CHRM2: variants seen among roughly 807,000 people sequenced by gnomAD.
CHRM2 encodes the protein cholinergic receptor muscarinic 2, also known as muscarinic acetylcholine receptor M2.
In CHRM2, 8 loss-of-function variants were observed where a neutral mutation model predicts 25.0. The ratio of observed to expected loss-of-function variants is 0.32; its 90% CI spans 0.19 to 0.58. CHRM2 has a LOEUF of 0.58. CHRM2 is among the 20% of genes least tolerant of loss of function. The pLI, the probability that CHRM2 is intolerant of heterozygous loss-of-function variation, is 0.88. For synonymous variants in CHRM2, 202 were observed against 205.7 expected, an observed-to-expected ratio of 0.98 and a Z score of 0.15; for missense variants, 440 against 567.1, an observed-to-expected ratio of 0.78 and a Z score of 2.28.
At chr7:136,888,604 T>C (rs1249227464) in intron 2 of CHRM2, among the ~76,000 whole-genome samples, 1 of 152,194 alleles carries the variant, frequency 6.6e-6, no homozygotes, top group Non-Finnish European at 1.5e-5. Flanking sequence ...CAGCTCAGGC[T>C]GTGTGTTGAT....
At chr7:136,940,985 G>T (rs1370096222) in intron 2 of CHRM2, among the ~76,000 whole-genome samples, 1 of 152,070 alleles carries the variant, frequency 6.6e-6, no homozygotes, top group Non-Finnish European at 1.5e-5. Context: ...GTACAACAGG[G>T]GCCTGACCTT....
rs1176211805 is a variant in CHRM2, at chr7:137,019,468, G to C, written c.*3202G>C. Reference sequence around the variant, plus strand: ...CAGTTGATATGATCAGTTTCTACTGGAGCTGCAATTTTTCCTTTCAAAAAA... The same window carrying C: ...CAGTTGATATGATCAGTTTCTACTGCAGCTGCAATTTTTCCTTTCAAAAAA... On this transcript the variant is annotated 3_prime_UTR_variant, in exon 4 of 4. Transcript: ENST00000680005. The C allele has an allele frequency of 6.6e-6, 1 of 151,820 alleles. No homozygotes were observed. Among genetic ancestry groups the C allele is most frequent in the Non-Finnish European group, 1.5e-5 (1 of 67,888 alleles). 9.4% of individuals were successfully genotyped at this position (151,820 alleles called of 1,614,324 possible). A position where few individuals can be genotyped will look rare whatever the true frequency, so the allele number is the denominator to read the frequency against.
chr7:136,906,138 G>GTGTATATA (rs1164165300), intron 2 of CHRM2, among the ~76,000 whole-genome samples: 1 of 149,166 alleles, frequency 6.7e-6, no homozygotes, highest in Admixed American at 6.7e-5. Context: ...CACGTTTTGT[G>GTGTATATA]TGTATATATG....
intron 2 of CHRM2, among the ~76,000 whole-genome samples, chr7:136,921,271 G>A (rs1798414315): frequency 6.6e-6 from 1 of 151,972 alleles, no homozygotes; most frequent in African/African-American, 2.4e-5. Context: ...CCATCATCCT[G>A]GGTGCCTGAA....
intron 2 of CHRM2, among the ~76,000 whole-genome samples, chr7:136,908,769 C>A (rs931173838): frequency 4.6e-5 from 7 of 151,600 alleles, no homozygotes; most frequent in Non-Finnish European, 8.8e-5. Flanking sequence ...GAGTATCCTG[C>A]AAAAGCAAAA....
At chr7:136,941,977 A>G (rs1250548724) in intron 2 of CHRM2, among the ~76,000 whole-genome samples, 1 of 152,154 alleles carries the variant, frequency 6.6e-6, no homozygotes, top group Non-Finnish European at 1.5e-5. Flanking sequence ...AGGCCTCAAC[A>G]GGAACTTTCT....
intron 2 of CHRM2, among the ~76,000 whole-genome samples, chr7:136,896,237 G>C (rs1296585757): frequency 6.6e-6 from 1 of 152,098 alleles, no homozygotes; most frequent in South Asian, 2.1e-4. Flanking sequence ...AAATCTTTGA[G>C]ATGAAGTTCA....
chr7:137,015,937 C>A lies in CHRM2; in HGVS notation c.1072C>A (p.Gln358Lys). ...GSSGQNGDEK[Q>K]NIVARKIVKM... The stretch of plus-strand genomic sequence containing the variant: ...TTCAGGTCAGAATGGAGATGAAAAG[C>A]AGAATATTGTAGCCCGCAAGATTGT... The change falls in exon 4 of 4, where the codon CAG (glutamine) becomes AAG (lysine). Residue 358 changes from glutamine (Q) to lysine (K), a missense_variant. Gln to Lys is a moderately conservative substitution (Grantham distance 53). Around this residue, in one of 5 missense-constraint regions of CHRM2, gnomAD observed 261 missense variants for 261.8 expected, o/e 1.00. Coordinates refer to ENST00000680005, the MANE Select transcript of CHRM2 (RefSeq NM_001006630.2). This position sits in a 1 kb window ranked among gnomAD's most constrained non-coding sequence, Gnocchi z 5.1. The A allele has an allele frequency of 6.2e-7, 1 of 1,613,074 alleles. No individual in the cohort carries two copies.
intron 2 of CHRM2, among the ~76,000 whole-genome samples, chr7:136,964,324 C>CATGCAG (rs1563094392): frequency 1.3e-5 from 2 of 152,076 alleles, no homozygotes; most frequent in African/African-American, 4.8e-5. Flanking sequence ...AGCTTGTTCT[C>CATGCAG]ATGCAGATAA....
intron 3 of CHRM2, among the ~76,000 whole-genome samples, chr7:137,007,468 G>C (rs1804521852): frequency 6.6e-6 from 1 of 152,132 alleles, no homozygotes; most frequent in Middle Eastern, 3.4e-3. Context: ...ACTCCTTGCG[G>C]CCACCACCCC....
At chr7:136,901,638 T>C (rs1563054684) in intron 2 of CHRM2, among the ~76,000 whole-genome samples, 2 of 152,104 alleles carry the variant, frequency 1.3e-5, no homozygotes, top group East Asian at 3.9e-4. Flanking sequence ...CCATTGTTAT[T>C]TTTTGAGAAC....
intron 2 of CHRM2, among the ~76,000 whole-genome samples, chr7:136,979,338 G>A (rs1332924972): frequency 6.6e-6 from 1 of 152,178 alleles, no homozygotes; most frequent in African/African-American, 2.4e-5. Flanking sequence ...AGAGATTCTG[G>A]ATATTAGTGC....
chr7:136,964,769 T>C (rs1164333918), intron 2 of CHRM2, among the ~76,000 whole-genome samples: 1 of 152,172 alleles, frequency 6.6e-6, no homozygotes, highest in Non-Finnish European at 1.5e-5. Context: ...ATCTGTTCAG[T>C]TTTCTTACCT....
At chr7:136,931,042 C>T (rs1335115566) in intron 2 of CHRM2, among the ~76,000 whole-genome samples, 1 of 151,600 alleles carries the variant, frequency 6.6e-6, no homozygotes, top group African/African-American at 2.4e-5. Flanking sequence ...TTTTCTGGTA[C>T]GATTATCTCC....
chr7:136,877,398 C>G (rs983344182), intron 2 of CHRM2, among the ~76,000 whole-genome samples: 2 of 152,010 alleles, frequency 1.3e-5, no homozygotes, highest in African/African-American at 4.8e-5. Context: ...GAAATAAGTA[C>G]TTGATTTCTT....
intron 3 of CHRM2, among the ~76,000 whole-genome samples, chr7:137,005,512 G>T (rs939501117): frequency 6.6e-6 from 1 of 151,808 alleles, no homozygotes; most frequent in Non-Finnish European, 1.5e-5. Flanking sequence ...AACCATCCTG[G>T]TCTATTCTTC....
At chr7:136,907,300 T>A (rs2130661844) in intron 2 of CHRM2, among the ~76,000 whole-genome samples, 1 of 152,042 alleles carries the variant, frequency 6.6e-6, no homozygotes, top group South Asian at 2.1e-4. Context: ...CTTTCTGTAC[T>A]TCAAGACTGT....
intron 2 of CHRM2, among the ~76,000 whole-genome samples, chr7:136,890,974 A>G (rs1314758921): frequency 6.6e-6 from 1 of 151,928 alleles, no homozygotes; most frequent in Non-Finnish European, 1.5e-5. Context: ...TTTCTTTCTC[A>G]CCTTATAAAC....
chr7:136,896,869 C>T (rs1211024769), intron 2 of CHRM2, among the ~76,000 whole-genome samples: 3 of 151,980 alleles, frequency 2.0e-5, no homozygotes, highest in African/African-American at 7.2e-5. Context: ...AGTGAAACGT[C>T]ATTAAAGAGC....
Sources: gnomAD v4.1 joint callset for allele counts (sites outside exome capture counted in the v4.1 genomes callset) on GRCh38, gnomAD v4.1.1 for gene constraint, gnomAD v4.1.1 regional missense constraint, Gnocchi (gnomAD v3.1) non-coding constraint, MANE v1.5 for transcripts, NCBI Gene and HGNC (gene_info 2026-07-23, HGNC 2026-07-21) for gene names.